SEC23B: variants seen among roughly 807,000 people sequenced by gnomAD.
SEC23B encodes protein transport protein Sec23B.
A neutral mutation model predicts 104.3 loss-of-function variants in SEC23B; 77 were observed. The ratio of observed to expected loss-of-function variants is 0.74; its 90% CI spans 0.61 to 0.89. SEC23B has a LOEUF of 0.89. Ranked by LOEUF, SEC23B falls within the 40% of genes least tolerant of loss-of-function variation. The pLI is 0.00. For missense variants in SEC23B, 885 were observed against 949.4 expected (o/e 0.93, Z 0.89); for synonymous variants, 338 against 332.5 (o/e 1.02, Z -0.18).
At chr20:18,528,399 C>T (rs994154319) in intron 9 of SEC23B, among the ~76,000 whole-genome samples, 10 of 152,290 alleles carry the variant, frequency 6.6e-5, no homozygotes, top group East Asian at 1.9e-4. Flanking sequence ...AAGTTTCTCC[C>T]GTGATTCTAA....
In SEC23B at chr20:18,533,812, C is replaced by G. The variant is rs534965641; in HGVS notation, c.1314+1068C>G. On this transcript the variant is annotated intron_variant, in intron 11 of 19. Transcript: ENST00000650089. ...CCCCCAGAGTACTAAGGGGCTTGTA[C>G]CCCTATTTCCTGGCAAGGCTTTGGA... Among the ~76,000 whole-genome samples, 6 of 152,238 alleles carry G rather than the reference C, an allele frequency of 3.9e-5. No individual in the cohort carries two copies. In the South Asian group the frequency reaches 1.2e-3, roughly 32 times the overall value.
intron 19 of SEC23B, among the ~76,000 whole-genome samples, chr20:18,559,090 G>T (rs2060468706): frequency 7.5e-6 from 1 of 133,536 alleles, no homozygotes; most frequent in Non-Finnish European, 1.7e-5. Flanking sequence ...TGGGGGGGGT[G>T]TCGGGGGCAC....
intron 12 of SEC23B, among the ~76,000 whole-genome samples, chr20:18,539,509 C>CAA (rs1187687497): frequency 1.4e-4 from 8 of 57,108 alleles, no homozygotes; most frequent in African/African-American, 1.9e-4. Context: ...GACTCCGTCT[C>CAA]AAAAAAAAAA....
chr20:18,541,887 T>C (rs750007534), intron 12 of SEC23B, among the ~76,000 whole-genome samples: 7 of 152,218 alleles, frequency 4.6e-5, no homozygotes, highest in Non-Finnish European at 8.8e-5. Context: ...AATCTTCAAT[T>C]TGTTAAAAAA....
At chr20:18,543,249 TTATTA>T in intron 14 of SEC23B, 77 bp downstream of exon 14, 1 of 1,572,204 alleles carries the variant, frequency 6.4e-7, no homozygotes, top group South Asian at 1.1e-5. Context: ...CACTTAATTA[TTATTA>T]TATAGTGAAT....
At chr20:18,535,924 G>C (rs1338577062) in intron 12 of SEC23B, among the ~76,000 whole-genome samples, 182 bp downstream of exon 12, 1 of 152,162 alleles carries the variant, frequency 6.6e-6, no homozygotes, top group African/African-American at 2.4e-5. Context: ...TCGGAGTCAG[G>C]CAACAAATTA....
chr20:18,539,878 C>T (rs2060272544), intron 12 of SEC23B, among the ~76,000 whole-genome samples: 1 of 152,038 alleles, frequency 6.6e-6, no homozygotes, highest in African/African-American at 2.4e-5. Context: ...CTCCCGACCT[C>T]AGGTGATCCG....
chr20:18,543,892 G>GGA (rs1423676040), intron 14 of SEC23B, among the ~76,000 whole-genome samples: 1 of 152,196 alleles, frequency 6.6e-6, no homozygotes, highest in Non-Finnish European at 1.5e-5. Context: ...ATGTCTCACT[G>GGA]GAGACATGCA....
At chr20:18,548,576 A>T in intron 15 of SEC23B, 33 bp from the exon 16 acceptor site, 1 of 1,605,172 alleles carries the variant, frequency 6.2e-7, no homozygotes, top group Non-Finnish European at 8.5e-7. Flanking sequence ...TTACAATTAT[A>T]TGCATTTCTC....
intron 3 of SEC23B, among the ~76,000 whole-genome samples, chr20:18,513,174 C>T (rs957279171): frequency 6.9e-6 from 1 of 144,244 alleles, no homozygotes; most frequent in African/African-American, 2.6e-5. Flanking sequence ...CAGAGCAAGA[C>T]TCCGTCTCAA....
intron 19 of SEC23B, among the ~76,000 whole-genome samples, chr20:18,557,002 C>T (rs2060445909): frequency 6.6e-6 from 1 of 152,108 alleles, no homozygotes; most frequent in Middle Eastern, 3.2e-3. Flanking sequence ...TCTTGAAAAA[C>T]AAAAAGAAGT....
chr20:18,515,254 T>A (rs575275520), intron 3 of SEC23B, among the ~76,000 whole-genome samples: 21 of 152,372 alleles, frequency 1.4e-4, no homozygotes, highest in African/African-American at 4.6e-4. Flanking sequence ...CTGATTTTTA[T>A]GTTTTTTAAC....
intron 4 of SEC23B, among the ~76,000 whole-genome samples, chr20:18,519,613 T>C (rs551569958): frequency 3.6e-4 from 55 of 152,240 alleles, no homozygotes; most frequent in African/African-American, 1.3e-3. Context: ...TGAAAAGGGT[T>C]GGGATGAGTT....
chr20:18,551,192 A>T lies in SEC23B; in HGVS notation c.1992+17A>T, dbSNP rs1669563350. On this transcript the variant is annotated intron_variant, in intron 17 of 19. Coordinates refer to ENST00000650089, the MANE Select transcript of SEC23B (RefSeq NM_006363.6). ...CTTGGTGAGGTAAGATGATATTATT[A>T]ATTAATTAATTTCTTTTTGTTTTTA... 3.8e-6 allele frequency: 5 copies of T among 1,332,216 alleles called. No individual in the cohort carries two copies. Among genetic ancestry groups the T allele is most frequent in the Non-Finnish European group, 4.3e-6 (4 of 937,658 alleles). 82.5% of individuals were successfully genotyped at this position (1,332,216 alleles called of 1,614,324 possible).
intron 3 of SEC23B, among the ~76,000 whole-genome samples, chr20:18,515,217 A>G (rs552048016): frequency 5.9e-5 from 9 of 152,194 alleles, no homozygotes; most frequent in Non-Finnish European, 1.3e-4. Flanking sequence ...TGATATAAAT[A>G]TAAGGCAGGG....
intron 15 of SEC23B, among the ~76,000 whole-genome samples, chr20:18,547,442 C>T (rs1233331771): frequency 6.6e-6 from 1 of 152,202 alleles, no homozygotes; most frequent in Admixed American, 6.5e-5. Context: ...CTTTACACTT[C>T]ACAAGGCAGC....
chr20:18,545,976 T>C lies in SEC23B; in HGVS notation c.1686T>C (p.Tyr562=), dbSNP rs1344360037. The change falls in exon 15 of 20, where the codon TAT becomes TAC. Residue 562 remains tyrosine (Y), a synonymous_variant. Coordinates refer to ENST00000650089, the MANE Select transcript of SEC23B (RefSeq NM_006363.6). ...CATAGTGTCAAAAGTTTGGACAGTATAACAAAGAAGACCCCACTTCTTTTA... is the reference window on the plus strand; with the variant it reads ...CATAGTGTCAAAAGTTTGGACAGTACAACAAAGAAGACCCCACTTCTTTTA... ...LIRLCQKFGQ[Y]NKEDPTSFRL... 3 of 1,587,164 alleles carry C rather than the reference T, an allele frequency of 1.9e-6. No individual in the cohort carries two copies. Among genetic ancestry groups the C allele is most frequent in the African/African-American group, 1.3e-5 (1 of 74,434 alleles).
At chr20:18,551,731 A>G (rs1268143141) in intron 17 of SEC23B, among the ~76,000 whole-genome samples, 1 of 151,792 alleles carries the variant, frequency 6.6e-6, no homozygotes, top group Non-Finnish European at 1.5e-5. Flanking sequence ...AAATAATAAT[A>G]ATAATAATAT....
chr20:18,554,960 AGTAAAACAATTCTAATTAGATTACTG>A, intron 18 of SEC23B, 122 bp from the exon 19 acceptor site: 18 of 76,784 alleles, frequency 2.3e-4, no homozygotes, highest in South Asian at 6.5e-4. Flanking sequence ...ATTACTGTGC[AGTAAAACAATTCTAATTAGATTACTG>A]TGCAGTAAAA....
Sources: gnomAD v4.1 joint callset for allele counts (sites outside exome capture counted in the v4.1 genomes callset) on GRCh38, gnomAD v4.1.1 for gene constraint, MANE v1.5 for transcripts, NCBI Gene and HGNC (gene_info 2026-07-23, HGNC 2026-07-21) for gene names.